ADGRB1: variants seen among roughly 807,000 people sequenced by gnomAD.
The protein encoded by ADGRB1 is brain-specific angiogenesis inhibitor 1.
Under a neutral mutation model 175.7 loss-of-function variants are expected in ADGRB1, and 36 were observed. That is an observed-to-expected ratio of 0.20 (90% CI 0.16 to 0.27). ADGRB1 has a LOEUF of 0.27. Among genes scored for constraint, ADGRB1 ranks in the 10% least tolerant of loss-of-function variants. ADGRB1 has a pLI of 1.00. For synonymous variants in ADGRB1, 1,054 were observed against 979.4 expected (o/e 1.08, Z -1.42); for missense variants, 1,731 against 2,255.3 (o/e 0.77, Z 4.71).
chr8:142,496,156 G>T lies in ADGRB1; in HGVS notation c.2675+5341G>T, dbSNP rs961342900. The stretch of plus-strand genomic sequence containing the variant: ...GGGTGAATAGGTGTGTGGGTGGGTG[G>T]GTGGATGGGTGCGTGAATGACTGAA... On this transcript the variant is annotated intron_variant, in intron 17 of 30. Coordinates refer to ENST00000517894, the MANE Select transcript of ADGRB1 (RefSeq NM_001702.3). 2.0e-5 allele frequency among the ~76,000 whole-genome samples: 3 copies of T among 151,652 alleles called. No individual in the cohort carries two copies. In the South Asian group the frequency reaches 6.3e-4, roughly 32 times the overall value.
intron 16 of ADGRB1, among the ~76,000 whole-genome samples, chr8:142,489,835 T>C (rs373418393): frequency 3.4e-4 from 51 of 152,004 alleles, no homozygotes; most frequent in African/African-American, 1.0e-3. Context: ...ACACCAGGCC[T>C]CGCCTGCAGG....
rs1315893604 is a variant in ADGRB1, at chr8:142,511,453, G to A, written c.2817+380G>A. Among the ~76,000 whole-genome samples, 2 of 152,218 alleles carry A rather than the reference G, an allele frequency of 1.3e-5. No individual in the cohort carries two copies. Among genetic ancestry groups the A allele is most frequent in the East Asian group, 3.9e-4 (2 of 5,136 alleles). On this transcript the variant is annotated intron_variant, in intron 18 of 30. Transcript: ENST00000517894. The surrounding 1 kb of genome is among the most constrained non-coding windows in gnomAD (Gnocchi z 4.5). The stretch of plus-strand genomic sequence containing the variant: ...CTGTGGAGGGGCTACCCTTTCCCTT[G>A]GTCCTCTCCGCCTGCCAGGGAGAGG...
intron 4 of ADGRB1, 24 bp from the exon 5 acceptor site, chr8:142,477,090 G>A: frequency 2.0e-6 from 3 of 1,524,746 alleles, no homozygotes; most frequent in South Asian, 1.2e-5. Context: ...CGGCAGGCCT[G>A]TGACGCTGTA....
rs779785088 is a variant in ADGRB1 at position 142,542,353 on chromosome 8, G to A, written c.4119G>A (p.Pro1373=). Residue 1373 remains proline (P), a synonymous_variant, in exon 28 of 31, where the codon CCG becomes CCA. Coordinates refer to ENST00000517894, the MANE Select transcript of ADGRB1 (RefSeq NM_001702.3). This position sits in a 1 kb window ranked among gnomAD's most constrained non-coding sequence, Gnocchi z 6.3. ...ACAGCATCCACATTGACCAGATGCC[G>A]CAGACCCGCCTCATCCACCTCAGCA... ...PKYSIHIDQM[P]QTRLIHLSTA... is the part of the protein sequence containing the mutation. 16 of 1,569,238 alleles carry A rather than the reference G, an allele frequency of 1.0e-5. No individual in the cohort carries two copies. The highest frequency in any genetic ancestry group is 4.1e-5 in the African/African-American group (3 of 73,524).
Position 142,526,533 on chromosome 8 carries a change from GC to G in ADGRB1, c.3313-6del. 1 of 1,419,100 alleles carries G rather than the reference GC, an allele frequency of 7.0e-7. No homozygotes were observed. Among genetic ancestry groups the G allele is most frequent in the Non-Finnish European group, 9.6e-7 (1 of 1,046,772 alleles). The allele number at this position is 1,419,100 out of a possible 1,614,324, so 87.9% of individuals were successfully genotyped here. Reference sequence around the variant, plus strand: ...CACCCCCACACCCCCACCACTCTCTGCCCGGCAGGTGAACATGGTCATTGGG... The same window carrying G: ...CACCCCCACACCCCCACCACTCTCTGCCGGCAGGTGAACATGGTCATTGGG... On this transcript the variant is annotated splice_polypyrimidine_tract_variant and splice_region_variant and intron_variant, in intron 23 of 30. Coordinates refer to ENST00000517894, the MANE Select transcript of ADGRB1 (RefSeq NM_001702.3).
intron 17 of ADGRB1, among the ~76,000 whole-genome samples, chr8:142,491,143 C>T (rs1302172304): frequency 6.6e-6 from 1 of 152,250 alleles, no homozygotes; most frequent in Non-Finnish European, 1.5e-5. Flanking sequence ...GGAATCCTGA[C>T]ATTCAGGTCT....
Position 142,481,680 on chromosome 8 carries a change from C to T in ADGRB1, c.2099C>T (p.Ala700Val), listed in dbSNP as rs762095707. 12 of 1,596,832 alleles carry T rather than the reference C, an allele frequency of 7.5e-6. No homozygotes were observed. Among genetic ancestry groups the T allele is most frequent in the South Asian group, 6.7e-5 (6 of 89,014 alleles). ...LRNMTEIFRR[A>V]YYSPTPGDVQ... is the part of the protein sequence containing the mutation. ...AACATGACAGAGATTTTCCGGAGAG[C>T]GTACTACAGCCCCACCCCTGGGGAC... Residue 700 changes from alanine (A) to valine (V), a missense_variant, in exon 11 of 31, where the codon GCG becomes GTG. By Grantham distance (64) the Ala-to-Val change is moderately conservative. Coordinates refer to ENST00000517894, the MANE Select transcript of ADGRB1 (RefSeq NM_001702.3).
At chr8:142,475,730 G>C (rs1166316241) in intron 3 of ADGRB1, 95 bp downstream of exon 3, 2 of 1,071,244 alleles carry the variant, frequency 1.9e-6, no homozygotes, top group Non-Finnish European at 2.4e-6. Flanking sequence ...GGAGGGGCCC[G>C]TGGGGGCGGG....
At chr8:142,471,876 C>G (rs1239188419) in intron 2 of ADGRB1, among the ~76,000 whole-genome samples, 1 of 152,234 alleles carries the variant, frequency 6.6e-6, no homozygotes, top group African/African-American at 2.4e-5. Flanking sequence ...GCCCTCCCTT[C>G]CACGTCCGTG....
chr8:142,544,134 T>C, intron 30 of ADGRB1, 86 bp from the exon 31 acceptor site: 1 of 1,409,394 alleles, frequency 7.1e-7, no homozygotes. Flanking sequence ...CCTCACTGAT[T>C]CGTGTCTGCC....
chr8:142,532,401 T>C (rs1844674689), intron 24 of ADGRB1, among the ~76,000 whole-genome samples: 1 of 152,146 alleles, frequency 6.6e-6, no homozygotes, highest in Non-Finnish European at 1.5e-5. Context: ...AGGCCTTCAC[T>C]GCTCCCAGCG....
At chr8:142,523,039 A>G (rs1247956411) in intron 22 of ADGRB1, among the ~76,000 whole-genome samples, 1 of 152,198 alleles carries the variant, frequency 6.6e-6, no homozygotes, top group East Asian at 1.9e-4. Flanking sequence ...CCCCCTCTGT[A>G]CGGTGCTGGT....
At chr8:142,475,714 T>A in intron 3 of ADGRB1, 79 bp downstream of exon 3, 1 of 139,532 alleles carries the variant, frequency 7.2e-6, no homozygotes, top group Non-Finnish European at 1.1e-5. Context: ...GGTGGGGCCC[T>A]GGAGAGGAGG....
At position 142,539,610 on chromosome 8, in the gene ADGRB1, T is replaced by C. The variant is rs1845145553; in HGVS notation, c.3706+197T>C. On this transcript the variant is annotated intron_variant, in intron 27 of 30. Transcript: ENST00000517894. The stretch of plus-strand genomic sequence containing the variant: ...GGCCCAGCCTTCCACCCCCGTCCAC[T>C]TCCTGAGGCCGAAGGAGGGTCCATG... 5 of 643,776 alleles carry C rather than the reference T, an allele frequency of 7.8e-6. No homozygotes were observed. The Admixed American group carries it at 8.1e-5, about 10-fold the overall frequency. The allele number at this position is 643,776 out of a possible 1,614,324, so 39.9% of individuals were successfully genotyped here.
chr8:142,538,812 T>C (rs1439346138), intron 26 of ADGRB1, among the ~76,000 whole-genome samples: 1 of 152,138 alleles, frequency 6.6e-6, no homozygotes, highest in African/African-American at 2.4e-5. Context: ...CCCCAGACCC[T>C]GGATGGGGCC....
chr8:142,493,267 A>T lies in ADGRB1; in HGVS notation c.2675+2452A>T, dbSNP rs1388319199. 6.6e-6 allele frequency among the ~76,000 whole-genome samples: 1 copy of T among 151,962 alleles called. No homozygotes were observed. Among genetic ancestry groups the T allele is most frequent in the African/African-American group, 2.4e-5 (1 of 41,370 alleles). On this transcript the variant is annotated intron_variant, in intron 17 of 30. Transcript: ENST00000517894. This position sits in a 1 kb window ranked among gnomAD's most constrained non-coding sequence, Gnocchi z 5.0. The stretch of plus-strand genomic sequence containing the variant: ...AGGGACCCAACTGTGGCCGAAGAGG[A>T]CATGCTGCGTGGCCTTGGGCAGAGC...
chr8:142,539,420 G>C lies in ADGRB1; in HGVS notation c.3706+7G>C. On this transcript the variant is annotated splice_region_variant and intron_variant, in intron 27 of 30. Coordinates refer to ENST00000517894, the MANE Select transcript of ADGRB1 (RefSeq NM_001702.3). ...GATCTGGCCTGTAGATCAGGTGAGCGCCCGACAGGTGAGAGGACAGTGCCA... is the reference window on the plus strand; with the variant it reads ...GATCTGGCCTGTAGATCAGGTGAGCCCCCGACAGGTGAGAGGACAGTGCCA... 1 of 1,599,864 alleles carries C rather than the reference G, an allele frequency of 6.3e-7. No homozygotes were observed. The highest frequency in any genetic ancestry group is 8.5e-7 in the Non-Finnish European group (1 of 1,174,044).
At chr8:142,521,297 G>A (rs767256757) in intron 20 of ADGRB1, among the ~76,000 whole-genome samples, 11 of 152,088 alleles carry the variant, frequency 7.2e-5, no homozygotes, top group Non-Finnish European at 8.8e-5. Flanking sequence ...AGGCTCCCAC[G>A]GTCCACCCTC....
At chr8:142,469,382 GGA>G (rs1840476681) in intron 2 of ADGRB1, among the ~76,000 whole-genome samples, 1 of 138,732 alleles carries the variant, frequency 7.2e-6, no homozygotes, top group African/African-American at 2.7e-5. Flanking sequence ...TGTGAATGTG[GGA>G]GTGTGTATGT....
Sources: allele counts gnomAD v4.1 joint callset (sites outside exome capture counted in the v4.1 genomes callset), GRCh38; gene constraint gnomAD v4.1.1; non-coding constraint Gnocchi (gnomAD v3.1); transcripts MANE v1.5; gene names NCBI Gene and HGNC (gene_info 2026-07-23, HGNC 2026-07-21).